The following EFCAB5 variants were observed in gnomAD, a reference collection of about 807,000 sequenced individuals.
EFCAB5 encodes EF-hand calcium binding domain 5, also known as EF-hand calcium-binding domain-containing protein 5.
In EFCAB5, 131 loss-of-function variants were observed where a neutral mutation model predicts 167.9. The observed-to-expected ratio is 0.78, with a 90% CI of 0.68 to 0.90. The LOEUF (loss-of-function observed/expected upper bound fraction) is 0.90. Among genes scored for constraint, EFCAB5 ranks in the 40% least tolerant of loss-of-function variants. EFCAB5 has a pLI of 0.00. For synonymous variants in EFCAB5, 574 were observed against 602.8 expected (o/e 0.95, Z 0.70); for missense variants, 1,663 against 1,745.2 (o/e 0.95, Z 0.84).
At chr17:29,950,862 C>T (rs2067495094) in intron 3 of EFCAB5, among the ~76,000 whole-genome samples, 1 of 152,176 alleles carries the variant, frequency 6.6e-6, no homozygotes, top group Non-Finnish European at 1.5e-5. Context: ...AGGTTTTTGA[C>T]TGTGCAGATA....
intron 3 of EFCAB5, among the ~76,000 whole-genome samples, chr17:29,966,214 T>C (rs2067823927): frequency 6.6e-6 from 1 of 152,234 alleles, no homozygotes; most frequent in South Asian, 2.1e-4. Context: ...AGTAAGCCTT[T>C]CAAAGCTGAA....
At chr17:30,056,551 A>G (rs1247132892) in intron 12 of EFCAB5, among the ~76,000 whole-genome samples, 1 of 152,202 alleles carries the variant, frequency 6.6e-6, no homozygotes, top group Non-Finnish European at 1.5e-5. Context: ...AACATATGAG[A>G]CAAGTGAGAA....
chr17:30,108,180 T>C lies in EFCAB5; in HGVS notation c.*156T>C. The C allele has an allele frequency of 1.2e-6, 1 of 822,392 alleles. No homozygotes were observed. Among genetic ancestry groups the C allele is most frequent in the African/African-American group, 1.8e-5 (1 of 55,416 alleles). The allele number at this position is 822,392 out of a possible 1,614,324, so 50.9% of individuals were successfully genotyped here. A position where few individuals can be genotyped will look rare whatever the true frequency, so the allele number is the denominator to read the frequency against. On this transcript the variant is annotated 3_prime_UTR_variant, in exon 23 of 23. Coordinates refer to ENST00000394835, the MANE Select transcript of EFCAB5 (RefSeq NM_198529.4). ...CAGCACTTTCTAAACCCAAAAGTGC[T>C]ACCTAAGAAGAAATTTAGCCAAAAA...
intron 4 of EFCAB5, among the ~76,000 whole-genome samples, chr17:29,982,161 C>T (rs573667772): frequency 7.2e-5 from 11 of 152,192 alleles, no homozygotes; most frequent in African/African-American, 1.2e-4. Flanking sequence ...CGGCTGGGCA[C>T]GGTGGCTCAT....
intron 22 of EFCAB5, among the ~76,000 whole-genome samples, chr17:30,099,127 T>G (rs957129512): frequency 2.6e-5 from 4 of 152,248 alleles, no homozygotes; most frequent in Admixed American, 6.5e-5. Flanking sequence ...CAAGTTTTTG[T>G]GTAAACATGT....
intron 14 of EFCAB5, among the ~76,000 whole-genome samples, chr17:30,062,399 T>C (rs2070449382): frequency 6.6e-6 from 1 of 152,114 alleles, no homozygotes; most frequent in African/African-American, 2.4e-5. Context: ...AACTTCTACC[T>C]ATGAAGTGGA....
chr17:30,008,478 G>T (rs1412902445), intron 7 of EFCAB5, among the ~76,000 whole-genome samples: 1 of 152,056 alleles, frequency 6.6e-6, no homozygotes, highest in Non-Finnish European at 1.5e-5. Context: ...TGTAGTCCCA[G>T]CTACTTGGGA....
chr17:30,063,506 A>G (rs1331842783), intron 14 of EFCAB5, among the ~76,000 whole-genome samples: 1 of 152,190 alleles, frequency 6.6e-6, no homozygotes, highest in Admixed American at 6.5e-5. Flanking sequence ...TCACAGCTAC[A>G]GCCCAGCCTC....
At chr17:30,070,949 CAAAAAAAAAAAAAA>C (rs35019863) in intron 14 of EFCAB5, among the ~76,000 whole-genome samples, 2 of 60,188 alleles carry the variant, frequency 3.3e-5, no homozygotes, top group East Asian at 7.8e-4. Context: ...GATTCCATCT[CAAAAAAAAAAAAAA>C]AAAAAAAAAA....
rs770567136 is a variant in EFCAB5 at position 30,080,241 on chromosome 17, G to C, written c.3197G>C (p.Ser1066Thr). ...RVLYRDMKGI[S>T]FTVVDEGKPI... ...CTCTACAGGGACATGAAAGGAATCA[G>C]GTAAGAACTTCTTGAAGAGATTGGT... The change falls in exon 16 of 23, where the codon AGC (serine) becomes ACC (threonine). Residue 1066 changes from serine (S) to threonine (T), a missense_variant and splice_region_variant. Transcript: ENST00000394835. The C allele has an allele frequency of 6.4e-7, 1 of 1,567,846 alleles. No homozygotes were observed. Among genetic ancestry groups the C allele is most frequent in the Admixed American group, 2.1e-5 (1 of 47,550 alleles).
intron 19 of EFCAB5, among the ~76,000 whole-genome samples, chr17:30,090,087 A>G (rs1369809943): frequency 2.0e-5 from 3 of 152,226 alleles, no homozygotes; most frequent in Non-Finnish European, 2.9e-5. Flanking sequence ...CCACCAAAGC[A>G]TAATGGACAA....
chr17:30,099,467 G>A (rs2151857793), intron 22 of EFCAB5, among the ~76,000 whole-genome samples: 1 of 152,146 alleles, frequency 6.6e-6, no homozygotes, highest in Middle Eastern at 3.4e-3. Flanking sequence ...TAAGAAGTCT[G>A]AAGCCTTTCT....
In EFCAB5 at chr17:30,078,347, T is replaced by C. The variant is rs749543027; in HGVS notation, c.2870T>C (p.Val957Ala). 7 of 1,613,830 alleles carry C rather than the reference T, an allele frequency of 4.3e-6. No homozygotes were observed. The African/African-American group carries it at 6.7e-5, about 15-fold the overall frequency. The change falls in exon 15 of 23, where the codon GTT becomes GCT. Residue 957 changes from valine to alanine, a missense_variant. Val to Ala is a moderately conservative substitution (Grantham distance 64, BLOSUM62 0). Transcript: ENST00000394835. ...RGNEDQVLES[V>A]VEFLMNALER... ...AATGAAGACCAAGTTCTGGAAAGTG[T>C]TGTGGAATTTCTGATGAATGCTTTA...
chr17:29,966,324 A>G (rs2067825670), intron 3 of EFCAB5, among the ~76,000 whole-genome samples: 3 of 152,052 alleles, frequency 2.0e-5, no homozygotes, highest in African/African-American at 7.3e-5. Context: ...CACTTTTATA[A>G]GATTAATATT....
chr17:29,992,435 C>T (rs2068441266), intron 4 of EFCAB5, among the ~76,000 whole-genome samples: 1 of 152,208 alleles, frequency 6.6e-6, no homozygotes. Flanking sequence ...GCAAGCTCCA[C>T]CTCCTGGGTT....
chr17:30,103,873 C>T (rs1395325865), intron 22 of EFCAB5, among the ~76,000 whole-genome samples: 1 of 152,054 alleles, frequency 6.6e-6, no homozygotes, highest in East Asian at 1.9e-4. Flanking sequence ...AAGAATTAGC[C>T]AGGCGTGCAT....
Position 30,092,882 on chromosome 17 carries a change from C to G in EFCAB5, c.4267C>G (p.Pro1423Ala), listed in dbSNP as rs1388103835. ...AGTCAACAATATTTGTGCCTTTGAT[C>G]CAACTGCCAAGCATGTGGAAGTTAA... The part of the protein sequence containing the change: ...YLVNNICAFD[P>A]TAKHVEVNVQ... The change falls in exon 22 of 23, where the codon CCA becomes GCA. Residue 1423 changes from proline (P) to alanine (A), a missense_variant. By Grantham distance (27) the Pro-to-Ala change is conservative (BLOSUM62 -1). Coordinates refer to ENST00000394835, the MANE Select transcript of EFCAB5 (RefSeq NM_198529.4). 6.2e-7 allele frequency: 1 copy of G among 1,611,586 alleles called. No individual in the cohort carries two copies. The highest frequency in any genetic ancestry group is 8.5e-7 in the Non-Finnish European group (1 of 1,179,006).
chr17:30,023,162 G>T (rs1231485305), intron 7 of EFCAB5, among the ~76,000 whole-genome samples: 1 of 151,780 alleles, frequency 6.6e-6, no homozygotes, highest in Non-Finnish European at 1.5e-5. Context: ...CTAGCAGAAG[G>T]CAAGAAATAA....
intron 4 of EFCAB5, among the ~76,000 whole-genome samples, chr17:29,979,090 G>A (rs1386396428): frequency 2.0e-5 from 3 of 152,078 alleles, no homozygotes; most frequent in Non-Finnish European, 2.9e-5. Context: ...GGTGGCTCAC[G>A]CCTGTAATCT....
Sources: allele counts gnomAD v4.1 joint callset (sites outside exome capture counted in the v4.1 genomes callset), GRCh38; gene constraint gnomAD v4.1.1; transcripts MANE v1.5; gene names NCBI Gene and HGNC (gene_info 2026-07-23, HGNC 2026-07-21).